ST8SIA4: variants seen among roughly 807,000 people sequenced by gnomAD.
ST8SIA4 encodes the protein CMP-N-acetylneuraminate-poly-alpha-2,8-sialyltransferase.
ST8SIA4 carries 15 observed loss-of-function variants against 33.9 expected under a neutral mutation model. The ratio of observed to expected loss-of-function variants is 0.44; its 90% confidence interval spans 0.30 to 0.68. ST8SIA4 has a LOEUF of 0.68. Among genes scored for constraint, ST8SIA4 ranks in the 30% least tolerant of loss-of-function variants. The pLI, the probability that ST8SIA4 is intolerant of heterozygous loss-of-function variation, is 0.10. For synonymous variants in ST8SIA4, 171 were observed against 151.2 expected, an observed-to-expected ratio of 1.13 and a Z score of -0.96; for missense variants, 321 against 428.0, an observed-to-expected ratio of 0.75 and a Z score of 2.21.
chr5:100,889,243 C>G (rs1468669681), intron 2 of ST8SIA4, among the ~76,000 whole-genome samples: 3 of 151,872 alleles, frequency 2.0e-5, no homozygotes, highest in Admixed American at 2.0e-4. Context: ...TAATTAATAT[C>G]TGACACCTGT....
At chr5:100,884,309 A>G (rs1270211332) in intron 3 of ST8SIA4, among the ~76,000 whole-genome samples, 1 of 152,224 alleles carries the variant, frequency 6.6e-6, no homozygotes, top group African/African-American at 2.4e-5. Flanking sequence ...AGTGGTCTAA[A>G]TGCCCAGTAG....
chr5:100,873,562 T>A (rs1161611975), intron 3 of ST8SIA4, among the ~76,000 whole-genome samples: 5 of 152,144 alleles, frequency 3.3e-5, no homozygotes, highest in Non-Finnish European at 5.9e-5. Flanking sequence ...AATCATTGCC[T>A]CCCTCAGAGT....
At chr5:100,882,041 C>A (rs1752437101) in intron 3 of ST8SIA4, among the ~76,000 whole-genome samples, 1 of 152,098 alleles carries the variant, frequency 6.6e-6, no homozygotes, top group Non-Finnish European at 1.5e-5. Flanking sequence ...AAAAGATACT[C>A]AAAAATGTGA....
intron 3 of ST8SIA4, 31 bp downstream of exon 3, chr5:100,886,312 T>TTTGAG: frequency 6.3e-7 from 1 of 1,593,570 alleles, no homozygotes; most frequent in East Asian, 2.2e-5. Flanking sequence ...TTTGAAAAAC[T>TTTGAG]TACAATCTCA....
At chr5:100,869,707 T>C (rs576455568) in intron 3 of ST8SIA4, among the ~76,000 whole-genome samples, 1 of 152,278 alleles carries the variant, frequency 6.6e-6, no homozygotes, top group Admixed American at 6.5e-5. Context: ...CAAGGGTCCT[T>C]CTTGGACTAT....
Position 100,811,962 on chromosome 5 carries a change from T to A in ST8SIA4, c.965A>T (p.Tyr322Phe). 1 of 1,614,142 alleles carries A rather than the reference T, an allele frequency of 6.2e-7. No individual in the cohort carries two copies. The highest frequency in any genetic ancestry group is 8.5e-7 in the Non-Finnish European group (1 of 1,180,004). The stretch of plus-strand genomic sequence containing the variant: ...AGGGCTTGCATTGGAAAAGTACCTA[T>A]ATTTTAAGTCATCATAATAATGATA... Reference protein sequence around the residue: ...VKYHYYDDLKYRYFSNASPHR... With the variant: ...VKYHYYDDLKFRYFSNASPHR... Residue 322 changes from tyrosine to phenylalanine, a missense_variant, in exon 5 of 5, where the codon TAT becomes TTT. Coordinates refer to ENST00000231461, the MANE Select transcript of ST8SIA4 (RefSeq NM_005668.6).
At chr5:100,817,048 T>A (rs918459638) in intron 4 of ST8SIA4, among the ~76,000 whole-genome samples, 22 of 150,150 alleles carry the variant, frequency 1.5e-4, no homozygotes, top group African/African-American at 5.4e-4. Context: ...GTTGAAACTA[T>A]TCTCCTGCTT....
chr5:100,885,378 A>G, intron 3 of ST8SIA4: 1 of 965,696 alleles, frequency 1.0e-6, no homozygotes, highest in Non-Finnish European at 1.2e-6. Flanking sequence ...CTTGAGTGTG[A>G]TTTCTCATGA....
chr5:100,856,084 G>T lies in ST8SIA4; in HGVS notation c.797+19C>A. ...GTTCCACTGTGCCAAGGACAAACTG[G>T]TCCTTTCCAGTCACTTACCCTCTGA... On this transcript the variant is annotated intron_variant, in intron 4 of 4. Coordinates refer to ENST00000231461, the MANE Select transcript of ST8SIA4 (RefSeq NM_005668.6). 1 of 1,610,724 alleles carries T rather than the reference G, an allele frequency of 6.2e-7. No homozygotes were observed. The highest frequency in any genetic ancestry group is 8.5e-7 in the Non-Finnish European group (1 of 1,177,566).
At chr5:100,892,658 A>G (rs1242012839) in intron 2 of ST8SIA4, among the ~76,000 whole-genome samples, 1 of 152,168 alleles carries the variant, frequency 6.6e-6, no homozygotes, top group East Asian at 1.9e-4. Context: ...TAGGAATATA[A>G]TAAGAACATT....
intron 3 of ST8SIA4, among the ~76,000 whole-genome samples, chr5:100,872,072 C>T (rs1437033500): frequency 1.3e-5 from 2 of 151,886 alleles, no homozygotes; most frequent in African/African-American, 4.8e-5. Flanking sequence ...GAATACAAAC[C>T]AAAATTTTCT....
At chr5:100,901,936 G>C (rs1580492818) in intron 1 of ST8SIA4, among the ~76,000 whole-genome samples, 1 of 152,268 alleles carries the variant, frequency 6.6e-6, no homozygotes, top group East Asian at 1.9e-4. Context: ...AACTGGGCAG[G>C]CATCTCTGCT....
chr5:100,820,177 A>T (rs915561952), intron 4 of ST8SIA4, among the ~76,000 whole-genome samples: 3 of 152,176 alleles, frequency 2.0e-5, no homozygotes, highest in African/African-American at 7.2e-5. Context: ...TAAAACATTC[A>T]CTTCTATATG....
At chr5:100,881,529 T>G (rs1268776979) in intron 3 of ST8SIA4, among the ~76,000 whole-genome samples, 1 of 152,158 alleles carries the variant, frequency 6.6e-6, no homozygotes, top group Non-Finnish European at 1.5e-5. Flanking sequence ...AAAGTTTGGA[T>G]GTAAATATAT....
intron 1 of ST8SIA4, 34 bp from the exon 2 acceptor site, chr5:100,895,819 GTAA>G (rs1235779442): frequency 7.5e-6 from 12 of 1,609,042 alleles, no homozygotes; most frequent in Non-Finnish European, 1.0e-5. Flanking sequence ...CTTTGTGAAA[GTAA>G]GAAACATTTT....
chr5:100,867,107 C>T (rs750453181), intron 3 of ST8SIA4, among the ~76,000 whole-genome samples: 6 of 151,762 alleles, frequency 4.0e-5, no homozygotes, highest in South Asian at 2.1e-4. Context: ...CACATAGAAT[C>T]GATACTAGGT....
chr5:100,883,890 G>A (rs1228265159), intron 3 of ST8SIA4, among the ~76,000 whole-genome samples: 2 of 152,102 alleles, frequency 1.3e-5, no homozygotes, highest in Non-Finnish European at 2.9e-5. Context: ...TCTCAGGTAC[G>A]CCCTTATCAG....
At chr5:100,850,783 G>A (rs1267286601) in intron 4 of ST8SIA4, among the ~76,000 whole-genome samples, 1 of 123,670 alleles carries the variant, frequency 8.1e-6, no homozygotes, top group Admixed American at 8.3e-5. Flanking sequence ...GTGTAGATGT[G>A]TATATATATA....
chr5:100,848,445 G>A (rs572259463), intron 4 of ST8SIA4, among the ~76,000 whole-genome samples: 1 of 149,524 alleles, frequency 6.7e-6, no homozygotes, highest in East Asian at 2.0e-4. Flanking sequence ...CTATATATGT[G>A]CAGTGTGTGT....
Sources: allele counts gnomAD v4.1 joint callset (sites outside exome capture counted in the v4.1 genomes callset), GRCh38; gene constraint gnomAD v4.1.1; transcripts MANE v1.5; gene names NCBI Gene and HGNC (gene_info 2026-07-23, HGNC 2026-07-21).